ARHGAP26: variants seen among roughly 807,000 people sequenced by gnomAD.
The protein encoded by ARHGAP26 is rho GTPase-activating protein 26.
In ARHGAP26, 38 loss-of-function variants were observed where a neutral mutation model predicts 104.8. That is an observed-to-expected ratio of 0.36 (90% CI 0.28 to 0.48). The LOEUF is 0.48. ARHGAP26 is among the 20% of genes least tolerant of loss of function. The probability of loss-of-function intolerance (pLI) is 0.99; values close to 1 mark genes in which losing one functional copy is unlikely to be tolerated. For missense variants in ARHGAP26, 704 were observed against 947.9 expected, an observed-to-expected ratio of 0.74 and a Z score of 3.38; for synonymous variants, 341 against 340.0, an observed-to-expected ratio of 1.00 and a Z score of -0.03.
chr5:143,144,457 G>A (rs1798926310), intron 19 of ARHGAP26, among the ~76,000 whole-genome samples: 1 of 152,088 alleles, frequency 6.6e-6, no homozygotes, highest in East Asian at 1.9e-4. Flanking sequence ...CTAGGCTGGA[G>A]TGCTTTGGCA....
chr5:142,841,692 C>T (rs1323082560), intron 1 of ARHGAP26, among the ~76,000 whole-genome samples: 1 of 152,202 alleles, frequency 6.6e-6, no homozygotes, highest in African/African-American at 2.4e-5. Flanking sequence ...CATCTTGGCT[C>T]CTGCTTTTGT....
At chr5:143,183,083 A>G (rs546803899) in intron 20 of ARHGAP26, among the ~76,000 whole-genome samples, 4 of 151,672 alleles carry the variant, frequency 2.6e-5, no homozygotes, top group Middle Eastern at 3.4e-3. Flanking sequence ...CAAAAAAAAA[A>G]AAAAAAAAGA....
intron 1 of ARHGAP26, among the ~76,000 whole-genome samples, chr5:142,811,729 G>A (rs1172140760): frequency 1.3e-5 from 2 of 152,188 alleles, no homozygotes; most frequent in Non-Finnish European, 1.5e-5. Context: ...CTGCTTATTA[G>A]CACAATGCCT....
At chr5:143,024,991 G>GT (rs1218367346) in intron 12 of ARHGAP26, among the ~76,000 whole-genome samples, 1 of 152,048 alleles carries the variant, frequency 6.6e-6, no homozygotes, top group Non-Finnish European at 1.5e-5. Context: ...TAAATCTTTG[G>GT]TTTTTTTGGA....
chr5:143,201,258 A>G (rs1330417825), intron 20 of ARHGAP26, among the ~76,000 whole-genome samples: 1 of 152,222 alleles, frequency 6.6e-6, no homozygotes, highest in African/African-American at 2.4e-5. Context: ...GCAGGACCCC[A>G]GGAATATTTA....
At chr5:142,849,066 C>A (rs965524388) in intron 1 of ARHGAP26, among the ~76,000 whole-genome samples, 10 of 152,204 alleles carry the variant, frequency 6.6e-5, no homozygotes, top group Non-Finnish European at 1.2e-4. Context: ...ATGCCCAACT[C>A]TAACTTGATT....
At chr5:143,161,875 C>G (rs777830427) in intron 20 of ARHGAP26, among the ~76,000 whole-genome samples, 1 of 152,180 alleles carries the variant, frequency 6.6e-6, no homozygotes. Context: ...AAGCCCTGTT[C>G]AGTCTATTTT....
chr5:142,854,935 C>T (rs113220285), intron 1 of ARHGAP26, among the ~76,000 whole-genome samples: 2 of 145,116 alleles, frequency 1.4e-5, no homozygotes, highest in Non-Finnish European at 1.5e-5. Flanking sequence ...GTTCAAAGGA[C>T]CCCCCAGTCC....
At chr5:143,191,840 C>G (rs1200315572) in intron 20 of ARHGAP26, among the ~76,000 whole-genome samples, 1 of 152,190 alleles carries the variant, frequency 6.6e-6, no homozygotes, top group Non-Finnish European at 1.5e-5. Context: ...ATGTCCCCTT[C>G]CATCGTATTT....
At chr5:143,080,948 T>G (rs897450889) in intron 17 of ARHGAP26, among the ~76,000 whole-genome samples, 1 of 151,942 alleles carries the variant, frequency 6.6e-6, no homozygotes, top group Non-Finnish European at 1.5e-5. Flanking sequence ...GTGGGCACAT[T>G]TGGGATATAT....
chr5:142,835,143 A>T (rs558362602), intron 1 of ARHGAP26, among the ~76,000 whole-genome samples: 1 of 152,340 alleles, frequency 6.6e-6, no homozygotes, highest in Admixed American at 6.5e-5. Flanking sequence ...GATCTGTACT[A>T]AATCATTTTC....
chr5:142,771,423 G>T, intron 1 of ARHGAP26: 1 of 1,231,768 alleles, frequency 8.1e-7, no homozygotes, highest in Non-Finnish European at 1.0e-6. Context: ...AGCCTAGTCA[G>T]GCCGCCGGGT....
Position 143,050,635 on chromosome 5 carries a change from A to G in ARHGAP26, c.1286-3804A>G, listed in dbSNP as rs3776349. On this transcript the variant is annotated intron_variant, in intron 14 of 22. Transcript: ENST00000645722. ...TGCTTTATGATGATTTCTAAGACCT[A>G]AAGGCTTACATAGGATTAAGTGGAA... Among the ~76,000 whole-genome samples the G allele has an allele frequency of 0.045, 6,792 of 152,276 alleles. 884 individuals are homozygous for G. The East Asian group carries it at 0.53, about 12-fold the overall frequency.
intron 11 of ARHGAP26, among the ~76,000 whole-genome samples, chr5:143,005,993 A>G (rs188648237): frequency 6.6e-6 from 1 of 152,314 alleles, no homozygotes; most frequent in Admixed American, 6.5e-5. Context: ...CAGTGGTACC[A>G]TAGGCTTCAA....
At position 143,227,762 on chromosome 5, in the gene ARHGAP26, A is replaced by T. The variant is rs74344283; in HGVS notation, c.*5316A>T. The T allele has an allele frequency of 1.6e-4, 37 of 225,830 alleles. No individual in the cohort carries two copies. In the East Asian group the frequency reaches 2.0e-3, roughly 12 times the overall value. 14.0% of individuals were successfully genotyped at this position (225,830 alleles called of 1,614,324 possible). ...ATTGAGAGGAAAAAGTGTTGGATGC[A>T]AAGTAACACCAGGACTAGAGAGAAA... On this transcript the variant is annotated 3_prime_UTR_variant, in exon 23 of 23. Coordinates refer to ENST00000645722, the MANE Select transcript of ARHGAP26 (RefSeq NM_001135608.3).
intron 1 of ARHGAP26, among the ~76,000 whole-genome samples, chr5:142,862,936 T>C (rs962833497): frequency 9.2e-5 from 14 of 152,178 alleles, no homozygotes; most frequent in Non-Finnish European, 1.9e-4. Context: ...GTCTGTGTTC[T>C]CTCAATTGGA....
rs374593315 is a variant in ARHGAP26, at chr5:142,770,949, C to T, written c.154+34C>T. On this transcript the variant is annotated intron_variant, in intron 1 of 22. Transcript: ENST00000645722. ...CCCGAGCCCCTCGGGGACGCGGCTC[C>T]GGGGCGGGAGGAACTGGGAGGTGGC... 1.3e-5 allele frequency: 20 copies of T among 1,574,824 alleles called. No homozygotes were observed. In the African/African-American group the frequency reaches 1.7e-4, roughly 13 times the overall value.
At chr5:143,157,979 TA>T (rs1399778707) in intron 20 of ARHGAP26, among the ~76,000 whole-genome samples, 1 of 152,194 alleles carries the variant, frequency 6.6e-6, no homozygotes, top group African/African-American at 2.4e-5. Context: ...GCAATAATAA[TA>T]ATACCTACTT....
chr5:142,791,181 C>T (rs991419975), intron 1 of ARHGAP26, among the ~76,000 whole-genome samples: 33 of 151,488 alleles, frequency 2.2e-4, no homozygotes, highest in African/African-American at 7.3e-4. Context: ...CAGGTTCAAG[C>T]GATTCTCCTG....
Sources: gnomAD v4.1 joint callset for allele counts (sites outside exome capture counted in the v4.1 genomes callset) on GRCh38, gnomAD v4.1.1 for gene constraint, MANE v1.5 for transcripts, NCBI Gene and HGNC (gene_info 2026-07-23, HGNC 2026-07-21) for gene names.